The following NTM variants were observed in gnomAD, a reference collection of about 807,000 sequenced individuals.
NTM encodes neurotrimin.
In NTM, 13 loss-of-function variants were observed where a neutral mutation model predicts 42.1. That is an observed-to-expected ratio of 0.31 (90% CI 0.20 to 0.49). The LOEUF is 0.49. NTM is among the 20% of genes least tolerant of loss of function. The probability of loss-of-function intolerance (pLI) is 0.99; values close to 1 mark genes in which losing one functional copy is unlikely to be tolerated. For synonymous variants in NTM, 187 were observed against 179.2 expected, an observed-to-expected ratio of 1.04 and a Z score of -0.35; for missense variants, 373 against 452.8, an observed-to-expected ratio of 0.82 and a Z score of 1.60.
intron 1 of NTM, among the ~76,000 whole-genome samples, chr11:131,752,009 T>C (rs1192367560): frequency 6.6e-6 from 1 of 152,128 alleles, no homozygotes; most frequent in Admixed American, 6.5e-5. Flanking sequence ...TTTTCCAGAA[T>C]ATTTTAATAC....
chr11:131,597,863 A>G (rs893796332), intron 1 of NTM, among the ~76,000 whole-genome samples: 3 of 123,492 alleles, frequency 2.4e-5, no homozygotes, highest in Non-Finnish European at 4.8e-5. Context: ...ACCCAGAAGA[A>G]TTCAACAGAG....
chr11:131,683,365 G>A (rs531863504), intron 1 of NTM, among the ~76,000 whole-genome samples: 4 of 152,216 alleles, frequency 2.6e-5, no homozygotes, highest in Admixed American at 6.5e-5. Flanking sequence ...CAGGGTGCAC[G>A]GGAGGAGGGG....
At chr11:131,778,193 A>C (rs2135981135) in intron 1 of NTM, among the ~76,000 whole-genome samples, 1 of 152,372 alleles carries the variant, frequency 6.6e-6, no homozygotes, top group African/African-American at 2.4e-5. Flanking sequence ...GAGAAGAAAC[A>C]TGCAACCTCT....
intron 1 of NTM, among the ~76,000 whole-genome samples, chr11:131,615,245 G>T (rs904330961): frequency 3.0e-4 from 46 of 152,184 alleles, no homozygotes; most frequent in African/African-American, 1.1e-3. Context: ...CTCAGCCTCA[G>T]ATTCCTCTGT....
At chr11:131,986,687 G>A (rs2066121786) in intron 2 of NTM, among the ~76,000 whole-genome samples, 1 of 152,054 alleles carries the variant, frequency 6.6e-6, no homozygotes, top group Non-Finnish European at 1.5e-5. Flanking sequence ...TATTTATTTG[G>A]TTTGTATTTG....
chr11:132,206,270 T>C (rs2081978727), intron 3 of NTM, among the ~76,000 whole-genome samples: 1 of 152,218 alleles, frequency 6.6e-6, no homozygotes, highest in African/African-American at 2.4e-5. Flanking sequence ...GCCTGTAGGA[T>C]AGAGCTAAAA....
chr11:132,227,532 G>T (rs2086574042), intron 4 of NTM, among the ~76,000 whole-genome samples: 1 of 151,878 alleles, frequency 6.6e-6, no homozygotes, highest in African/African-American at 2.4e-5. Context: ...AATATCCCTT[G>T]GTCCTTTACT....
At chr11:131,665,772 C>T (rs986984516) in intron 1 of NTM, among the ~76,000 whole-genome samples, 4 of 152,212 alleles carry the variant, frequency 2.6e-5, no homozygotes, top group Middle Eastern at 3.2e-3. Flanking sequence ...GCAGAACTGG[C>T]CGTGGGCCAC....
chr11:132,214,061 G>C (rs1462100854), intron 4 of NTM, among the ~76,000 whole-genome samples: 2 of 152,190 alleles, frequency 1.3e-5, no homozygotes, highest in Non-Finnish European at 2.9e-5. Context: ...CTGTAACTGT[G>C]AACAAGGGGT....
At chr11:132,301,677 C>T (rs2140123754) in intron 4 of NTM, among the ~76,000 whole-genome samples, 1 of 152,288 alleles carries the variant, frequency 6.6e-6, no homozygotes, top group South Asian at 2.1e-4. Context: ...CTGATGCAAC[C>T]TGAGATGGTG....
chr11:132,200,169 G>A (rs568008264), intron 3 of NTM, among the ~76,000 whole-genome samples: 1 of 152,284 alleles, frequency 6.6e-6, no homozygotes, highest in South Asian at 2.1e-4. Context: ...TGGCAATAAG[G>A]TCTTGGAACA....
chr11:131,464,577 GC>G (rs1951717140), intron 1 of NTM, among the ~76,000 whole-genome samples: 1 of 151,524 alleles, frequency 6.6e-6, no homozygotes, highest in African/African-American at 2.4e-5. Flanking sequence ...TTTCCTTACT[GC>G]CCCCTCCCCA....
intron 2 of NTM, among the ~76,000 whole-genome samples, chr11:132,111,249 TTGTG>T (rs1308193756): frequency 6.6e-6 from 1 of 151,150 alleles, no homozygotes; most frequent in Non-Finnish European, 1.5e-5. Flanking sequence ...TACGTTTGTG[TTGTG>T]TGTGTATTTA....
At chr11:131,586,136 C>G (rs1170257041) in intron 1 of NTM, among the ~76,000 whole-genome samples, 1 of 152,006 alleles carries the variant, frequency 6.6e-6, no homozygotes, top group African/African-American at 2.4e-5. Flanking sequence ...TACAGGTTCT[C>G]TCTCTGTCAC....
At position 131,729,984 on chromosome 11, in the gene NTM, G is replaced by A. The variant is rs543635721; in HGVS notation, c.83-181580G>A. On this transcript the variant is annotated intron_variant, in intron 1 of 8. Coordinates refer to ENST00000683400, the MANE Select transcript of NTM (RefSeq NM_001352005.2). Reference sequence around the variant, plus strand: ...TAGGAGTAAAATTGCTAGGTCAGATGGTAATTCTATATTTAACATTTCAAA... The same window carrying A: ...TAGGAGTAAAATTGCTAGGTCAGATAGTAATTCTATATTTAACATTTCAAA... Among the ~76,000 whole-genome samples the A allele has an allele frequency of 6.6e-5, 10 of 152,150 alleles. No individual in the cohort carries two copies. In the South Asian group the frequency reaches 2.1e-3, roughly 32 times the overall value.
At chr11:132,180,586 AAACCAACC>A (rs999071665) in intron 3 of NTM, among the ~76,000 whole-genome samples, 8 of 152,286 alleles carry the variant, frequency 5.3e-5, no homozygotes, top group African/African-American at 1.4e-4. Flanking sequence ...ACAAAAAACA[AAACCAACC>A]AACCAACCGA....
chr11:131,827,610 C>T (rs1234208225), intron 1 of NTM, among the ~76,000 whole-genome samples: 1 of 152,160 alleles, frequency 6.6e-6, no homozygotes, highest in Non-Finnish European at 1.5e-5. Flanking sequence ...AGCCATGAAA[C>T]CACACTACTT....
intron 4 of NTM, among the ~76,000 whole-genome samples, chr11:132,245,898 C>T (rs2091050761): frequency 6.6e-6 from 1 of 152,082 alleles, no homozygotes; most frequent in African/African-American, 2.4e-5. Flanking sequence ...GAGCCAAGGC[C>T]AGTAGGAGTA....
chr11:131,995,677 G>T lies in NTM; in HGVS notation c.167+84029G>T, dbSNP rs115255144. 6.5e-3 allele frequency among the ~76,000 whole-genome samples: 985 copies of T among 152,164 alleles called. 15 individuals are homozygous for T. Among genetic ancestry groups the T allele is most frequent in the African/African-American group, 0.022 (932 of 41,520 alleles). On this transcript the variant is annotated intron_variant, in intron 2 of 8. Coordinates refer to ENST00000683400, the MANE Select transcript of NTM (RefSeq NM_001352005.2). The stretch of plus-strand genomic sequence containing the variant: ...ATGTTACTGAAATGCCAGGGGTTTG[G>T]TCTAGGTCCTGTTGCTTGCTACACA...
Sources: allele counts gnomAD v4.1 joint callset (sites outside exome capture counted in the v4.1 genomes callset), GRCh38; gene constraint gnomAD v4.1.1; transcripts MANE v1.5; gene names NCBI Gene and HGNC (gene_info 2026-07-23, HGNC 2026-07-21).